The following MYO16 variants were observed in gnomAD, a reference collection of about 807,000 sequenced individuals.
The protein encoded by MYO16 is unconventional myosin-XVI.
MYO16 carries 94 observed loss-of-function variants against 205.3 expected under a neutral mutation model. The ratio of observed to expected loss-of-function variants is 0.46; its 90% confidence interval spans 0.39 to 0.54. The LOEUF is 0.54. MYO16 is among the 20% of genes least tolerant of loss of function. The probability of loss-of-function intolerance (pLI) is 0.00; values close to 1 mark genes in which losing one functional copy is unlikely to be tolerated. For synonymous variants in MYO16, 988 were observed against 954.0 expected (o/e 1.04, Z -0.66); for missense variants, 2,315 against 2,387.5 (o/e 0.97, Z 0.63).
intron 2 of MYO16, among the ~76,000 whole-genome samples, chr13:108,676,796 T>C (rs1017838556): frequency 2.0e-5 from 3 of 152,160 alleles, no homozygotes; most frequent in Non-Finnish European, 4.4e-5. Flanking sequence ...GAATGGGAAA[T>C]GTACTTGCTT....
chr13:108,962,361 T>A, intron 18 of MYO16, 63 bp from the exon 19 acceptor site: 1 of 1,334,024 alleles, frequency 7.5e-7, no homozygotes, highest in Non-Finnish European at 1.1e-6. Flanking sequence ...GGCCATAAAA[T>A]TCAATGTTCT....
intron 4 of MYO16, among the ~76,000 whole-genome samples, chr13:108,779,062 A>G (rs187687455): frequency 6.6e-6 from 1 of 152,328 alleles, no homozygotes; most frequent in Admixed American, 6.5e-5. Context: ...CTCCCAAGAC[A>G]CTTGCTTCAG....
chr13:108,954,602 C>T (rs143327486), intron 16 of MYO16, among the ~76,000 whole-genome samples: 222 of 152,058 alleles, frequency 1.5e-3, no homozygotes, highest in African/African-American at 4.9e-3. Flanking sequence ...ATTAGCCAGG[C>T]GTGGCGACAT....
chr13:108,804,109 G>C (rs1366509042), intron 6 of MYO16, among the ~76,000 whole-genome samples: 4 of 152,040 alleles, frequency 2.6e-5, no homozygotes, highest in Non-Finnish European at 5.9e-5. Context: ...CTTCTTCCTT[G>C]GGCCAGTTAC....
intron 25 of MYO16, 47 bp from the exon 26 acceptor site, chr13:109,054,999 C>T: frequency 1.6e-6 from 2 of 1,263,034 alleles, no homozygotes; most frequent in South Asian, 2.7e-5. Context: ...CTTTCCTTTC[C>T]TTTCCTTTCT....
At chr13:108,970,302 T>C (rs1738071604) in intron 20 of MYO16, among the ~76,000 whole-genome samples, 1 of 152,242 alleles carries the variant, frequency 6.6e-6, no homozygotes, top group African/African-American at 2.4e-5. Flanking sequence ...ACTTGTGGTA[T>C]AATGAAAACA....
Position 109,140,987 on chromosome 13 carries a change from C to A in MYO16, c.4775C>A (p.Pro1592Gln), listed in dbSNP as rs1286966730. 7.3e-7 allele frequency: 1 copy of A among 1,373,098 alleles called. No homozygotes were observed. The highest frequency in any genetic ancestry group is 3.3e-5 in the Admixed American group (1 of 30,290). The allele number at this position is 1,373,098 out of a possible 1,614,324, so 85.1% of individuals were successfully genotyped here. The change falls in exon 32 of 35, where the codon CCG (proline) becomes CAG (glutamine). Residue 1592 changes from proline to glutamine, a missense_variant. Pro to Gln is a moderately conservative substitution (Grantham distance 76). Transcript: ENST00000457511. The surrounding 1 kb of genome is among the most constrained non-coding windows in gnomAD (Gnocchi z 8.0). ...AACGGGTCCGGCCGAGCCTCCCCGC[C>A]GTCCACGCCGCCCCCGCCCCCGCCC... ...LFNGSGRASP[P>Q]STPPPPPPPP...
rs549512069 is a variant in MYO16, at chr13:109,023,525, TTA to T, written c.2796+3621_2796+3622del. Among the ~76,000 whole-genome samples, 1,115 of 115,934 alleles carry T rather than the reference TTA, an allele frequency of 9.6e-3. 62 individuals carry two copies. Among genetic ancestry groups the T allele is most frequent in the African/African-American group, 0.036 (1,054 of 29,556 alleles). The allele number at this position is 115,934 out of a possible 152,430, so 76.1% of individuals were successfully genotyped here. A position where few individuals can be genotyped will look rare whatever the true frequency, so the allele number is the denominator to read the frequency against. On this transcript the variant is annotated intron_variant, in intron 23 of 34. Transcript: ENST00000457511. ...CAGATATAAATATATATATTTATAATTATATATACAATATATAGGTATATATT... is the reference window on the plus strand; with the variant it reads ...CAGATATAAATATATATATTTATAATTATATACAATATATAGGTATATATT...
At chr13:108,508,490 C>A in the MYO16 span, among the ~76,000 whole-genome samples, 19,229 of 151,954 alleles carry the variant, frequency 0.13, 1,352 homozygotes, top group East Asian at 0.23. Flanking sequence ...GCAAGCCAAC[C>A]GTTCTCTTTT....
the MYO16 span, among the ~76,000 whole-genome samples, chr13:108,504,517 A>G: frequency 6.6e-6 from 1 of 151,922 alleles, no homozygotes; most frequent in African/African-American, 2.4e-5. Context: ...AGCCCCTGGT[A>G]ACCACATTCT....
At chr13:108,504,626 C>T in the MYO16 span, among the ~76,000 whole-genome samples, 1 of 151,946 alleles carries the variant, frequency 6.6e-6, no homozygotes, top group African/African-American at 2.4e-5. Flanking sequence ...ACCTCTGCCT[C>T]CTGGGTTCAA....
chr13:109,035,847 C>A (rs914662357), intron 23 of MYO16, among the ~76,000 whole-genome samples: 1 of 152,176 alleles, frequency 6.6e-6, no homozygotes. Flanking sequence ...ACGTAACGTG[C>A]ATCCAACTTA....
At chr13:108,676,117 C>T (rs1882192260) in intron 2 of MYO16, among the ~76,000 whole-genome samples, 1 of 151,992 alleles carries the variant, frequency 6.6e-6, no homozygotes, top group Non-Finnish European at 1.5e-5. Flanking sequence ...GTGATCGTCA[C>T]CGTGAGTGTA....
At chr13:109,069,283 G>A (rs1383769365) in intron 27 of MYO16, among the ~76,000 whole-genome samples, 2 of 152,148 alleles carry the variant, frequency 1.3e-5, no homozygotes, top group Non-Finnish European at 2.9e-5. Flanking sequence ...TTGCCTTTCT[G>A]AGTTAAATGT....
chr13:108,917,758 C>A (rs1398085069), intron 16 of MYO16, among the ~76,000 whole-genome samples: 1 of 152,196 alleles, frequency 6.6e-6, no homozygotes, highest in Non-Finnish European at 1.5e-5. Flanking sequence ...GAATATATCT[C>A]AAAAATTCAG....
At chr13:108,713,722 A>G (rs1370125382) in intron 3 of MYO16, among the ~76,000 whole-genome samples, 1 of 152,262 alleles carries the variant, frequency 6.6e-6, no homozygotes, top group Non-Finnish European at 1.5e-5. Context: ...GTTATTATAC[A>G]GTCAGCAGAA....
At chr13:109,146,085 TA>T (rs1877316290) in intron 32 of MYO16, among the ~76,000 whole-genome samples, 2 of 152,238 alleles carry the variant, frequency 1.3e-5, no homozygotes, top group Admixed American at 1.3e-4. Context: ...GGCTATTAAA[TA>T]GTTGTTTGAG....
At chr13:108,772,388 C>T (rs1885995915) in intron 4 of MYO16, among the ~76,000 whole-genome samples, 2 of 149,090 alleles carry the variant, frequency 1.3e-5, no homozygotes, top group Admixed American at 1.3e-4. Context: ...AAGAAATCAC[C>T]AAACTGTCTT....
At chr13:108,509,438 A>G in the MYO16 span, among the ~76,000 whole-genome samples, 1 of 152,210 alleles carries the variant, frequency 6.6e-6, no homozygotes. Context: ...TTTGCTGTAC[A>G]TCTTTCCCTA....
Sources: gnomAD v4.1 joint callset for allele counts (sites outside exome capture counted in the v4.1 genomes callset) on GRCh38, gnomAD v4.1.1 for gene constraint, Gnocchi (gnomAD v3.1) non-coding constraint, MANE v1.5 for transcripts, NCBI Gene and HGNC (gene_info 2026-07-23, HGNC 2026-07-21) for gene names.